The following ZNF226 variants were observed in gnomAD, a reference collection of about 807,000 sequenced individuals.
The protein encoded by ZNF226 is Kruppel-associated box protein.
ZNF226 carries 6 observed loss-of-function variants against 11.4 expected under a neutral mutation model. The observed-to-expected ratio is 0.53, with a 90% CI of 0.29 to 1.04. ZNF226 has a LOEUF of 1.04. Among genes scored for constraint, ZNF226 ranks in the 50% least tolerant of loss-of-function variants. The pLI, the probability that ZNF226 is intolerant of heterozygous loss-of-function variation, is 0.08. For missense variants in ZNF226, 1,058 were observed against 956.5 expected (o/e 1.11, Z -1.40); for synonymous variants, 350 against 322.8 (o/e 1.08, Z -0.90).
In ZNF226 at chr19:44,176,893, C is replaced by G. The variant is rs779380157; in HGVS notation, c.1631C>G (p.Ser544Trp). The change falls in exon 6 of 6, where the codon TCG (serine) becomes TGG (tryptophan). Residue 544 changes from serine (S) to tryptophan (W), a missense_variant. By Grantham distance (177) the Ser-to-Trp change is radical. Transcript: ENST00000337433. ...TGTGGGAAGGGCTTCAGTCAAAGTT[C>G]GTATCTTCAAATCCATCAGAAGGCC... The part of the protein sequence containing the change: ...EICGKGFSQS[S>W]YLQIHQKAHS... 6.2e-7 allele frequency: 1 copy of G among 1,613,584 alleles called. No individual in the cohort carries two copies. The highest frequency in any genetic ancestry group is 8.5e-7 in the Non-Finnish European group (1 of 1,179,874).
At chr19:44,175,104 A>G (rs577002691) in intron 5 of ZNF226, 2 of 1,594,558 alleles carry the variant, frequency 1.3e-6, no homozygotes, top group Non-Finnish European at 1.7e-6. Context: ...GGACTCATAT[A>G]TGCATACATT....
At chr19:44,182,088 C>T (rs918705427), downstream of ZNF226, among the ~76,000 whole-genome samples, 23 of 152,070 alleles carry the variant, frequency 1.5e-4, no homozygotes, top group Non-Finnish European at 1.9e-4. Flanking sequence ...GATTCCAGAC[C>T]CACTGTTAGC....
intron 4 of ZNF226, chr19:44,172,513 A>G: frequency 2.5e-6 from 1 of 395,758 alleles, no homozygotes; most frequent in East Asian, 5.1e-5. Context: ...GCAGATTTTA[A>G]TGAAATAAAA....
At chr19:44,169,717 C>G (rs906446369) in intron 2 of ZNF226, 1 of 193,792 alleles carries the variant, frequency 5.2e-6, no homozygotes, top group Non-Finnish European at 1.0e-5. Flanking sequence ...CTTTTAGTGT[C>G]AGGATTTTAA....
downstream of ZNF226, among the ~76,000 whole-genome samples, chr19:44,182,587 G>A (rs1351908147): frequency 1.3e-5 from 2 of 152,194 alleles, no homozygotes; most frequent in Non-Finnish European, 2.9e-5. Context: ...CCAAGGACTT[G>A]AGAAGTTCAT....
At chr19:44,171,094 C>T (rs899535013) in intron 3 of ZNF226, among the ~76,000 whole-genome samples, 1 of 152,058 alleles carries the variant, frequency 6.6e-6, no homozygotes, top group African/African-American at 2.4e-5. Flanking sequence ...AAACTATTCT[C>T]TATATACAGT....
chr19:44,168,998 C>CTTTTT lies in ZNF226; in HGVS notation c.-46-1013_-46-1009dup, dbSNP rs34967576. On this transcript the variant is annotated intron_variant, in intron 2 of 5. Coordinates refer to ENST00000337433, the MANE Select transcript of ZNF226 (RefSeq NM_001032373.2). ...TATAGACTCAGGTTCCTCCCTTTTC[C>CTTTTT]TTTTTTTTTTTTTTTTTTTTTTTTT... is the stretch of plus-strand genomic sequence containing the variant. Among the ~76,000 whole-genome samples, 82 of 90,806 alleles carry CTTTTT rather than the reference C, an allele frequency of 9.0e-4. 13 individuals are homozygous for CTTTTT. Among genetic ancestry groups the CTTTTT allele is most frequent in the African/African-American group, 3.7e-3 (62 of 16,816 alleles). The allele number at this position is 90,806 out of a possible 152,430, so 59.6% of individuals were successfully genotyped here.
the ZNF226 span, among the ~76,000 whole-genome samples, chr19:44,193,298 T>G: frequency 1.3e-5 from 2 of 152,080 alleles, no homozygotes; most frequent in African/African-American, 4.8e-5. Flanking sequence ...CAAAAAGATC[T>G]TATAGCTTAT....
intron 4 of ZNF226, chr19:44,172,448 T>C (rs1374390328): frequency 8.9e-6 from 4 of 448,436 alleles, no homozygotes; most frequent in African/African-American, 8.1e-5. Flanking sequence ...TTCTTTTTCA[T>C]GTTTTACACC....
chr19:44,189,624 C>G, the ZNF226 span, among the ~76,000 whole-genome samples: 1 of 152,198 alleles, frequency 6.6e-6, no homozygotes, highest in Non-Finnish European at 1.5e-5. Context: ...GTTGGCATAA[C>G]AGATCTAACA....
chr19:44,166,012 C>A (rs1969328556), intron 2 of ZNF226, among the ~76,000 whole-genome samples: 1 of 152,160 alleles, frequency 6.6e-6, no homozygotes, highest in African/African-American at 2.4e-5. Context: ...GACATAAGAA[C>A]ATAACTTGTT....
the ZNF226 span, among the ~76,000 whole-genome samples, chr19:44,197,848 A>G: frequency 6.6e-6 from 1 of 152,236 alleles, no homozygotes; most frequent in African/African-American, 2.4e-5. Context: ...CATTTGATAA[A>G]CAACCATTCT....
At position 44,176,709 on chromosome 19, in the gene ZNF226, G is replaced by A. The variant is rs1310884258; in HGVS notation, c.1447G>A (p.Gly483Ser). The change falls in exon 6 of 6, where the codon GGC (glycine) becomes AGC (serine). Residue 483 changes from glycine (G) to serine (S), a missense_variant. By Grantham distance (56) the Gly-to-Ser change is moderately conservative (BLOSUM62 0). Coordinates refer to ENST00000337433, the MANE Select transcript of ZNF226 (RefSeq NM_001032373.2). ...KSYICTVCGK[G>S]FTLSSNLQAH... ...ATACATATGTACTGTATGTGGGAAA[G>A]GCTTTACTCTGAGTTCAAATCTTCA... The A allele has an allele frequency of 8.7e-6, 14 of 1,614,142 alleles. No homozygotes were observed. Among genetic ancestry groups the A allele is most frequent in the Non-Finnish European group, 1.2e-5 (14 of 1,180,024 alleles).
At chr19:44,173,033 G>T in intron 5 of ZNF226, 81 bp downstream of exon 5, 2 of 1,331,558 alleles carry the variant, frequency 1.5e-6, no homozygotes, top group Non-Finnish European at 2.1e-6. Context: ...CCATCACCTG[G>T]TCCAAATTGC....
rs1045613286 is a variant in ZNF226, at chr19:44,176,223, C to T, written c.961C>T (p.His321Tyr). 14 of 1,614,114 alleles carry T rather than the reference C, an allele frequency of 8.7e-6. No individual in the cohort carries two copies. The highest frequency in any genetic ancestry group is 4.4e-5 in the South Asian group (4 of 91,078). The change falls in exon 6 of 6, where the codon CAT becomes TAT. Residue 321 changes from histidine to tyrosine, a missense_variant. Physicochemically the swap from His to Tyr is moderately conservative, Grantham distance 83. Coordinates refer to ENST00000337433, the MANE Select transcript of ZNF226 (RefSeq NM_001032373.2). ...ECGKEFSQGA[H>Y]LQTHQKVHVI... is the part of the protein sequence containing the mutation. ...TGGTAAGGAATTCAGTCAGGGCGCT[C>T]ATCTACAGACCCATCAGAAAGTCCA... is the stretch of plus-strand genomic sequence containing the variant.
intron 2 of ZNF226, among the ~76,000 whole-genome samples, chr19:44,167,462 G>A (rs373747194): frequency 2.0e-5 from 3 of 151,442 alleles, no homozygotes; most frequent in East Asian, 3.9e-4. Context: ...GAGATTACAG[G>A]CACCCGCCAC....
chr19:44,188,682 G>T, the ZNF226 span, among the ~76,000 whole-genome samples: 23 of 152,176 alleles, frequency 1.5e-4, no homozygotes, highest in Admixed American at 1.3e-3. Flanking sequence ...TATCTTCCTA[G>T]TGAGTTGAAC....
chr19:44,172,094 G>C lies in ZNF226; in HGVS notation c.22G>C (p.Val8Leu). The C allele has an allele frequency of 6.2e-7, 1 of 1,611,712 alleles. No individual in the cohort carries two copies. The highest frequency in any genetic ancestry group is 8.5e-7 in the Non-Finnish European group (1 of 1,178,428). The change falls in exon 4 of 6, where the codon GTG (valine) becomes CTG (leucine). Residue 8 changes from valine to leucine, a missense_variant. Coordinates refer to ENST00000337433, the MANE Select transcript of ZNF226 (RefSeq NM_001032373.2). MNMFKEA[V>L]TFKDVAVAFT... ...TCATTTGTTTTTGTCGTAGGAAGCAGTGACCTTCAAGGACGTGGCTGTGGC... is the reference window on the plus strand; with the variant it reads ...TCATTTGTTTTTGTCGTAGGAAGCACTGACCTTCAAGGACGTGGCTGTGGC...
downstream of ZNF226, among the ~76,000 whole-genome samples, chr19:44,182,244 G>A (rs139358288): frequency 2.0e-5 from 3 of 152,304 alleles, no homozygotes; most frequent in East Asian, 5.8e-4. Context: ...TGACATTTTG[G>A]ACTGGATAGC....
Sources: gnomAD v4.1 joint callset for allele counts (sites outside exome capture counted in the v4.1 genomes callset) on GRCh38, gnomAD v4.1.1 for gene constraint, MANE v1.5 for transcripts, NCBI Gene and HGNC (gene_info 2026-07-23, HGNC 2026-07-21) for gene names.